Variants in CPNE8 observed in about 807,000 individuals in gnomAD.
CPNE8 encodes the protein copine 8.
Under a neutral mutation model 81.5 loss-of-function variants are expected in CPNE8, and 45 were observed. The observed-to-expected ratio is 0.55, with a 90% confidence interval of 0.44 to 0.71. The LOEUF is 0.71. Among genes scored for constraint, CPNE8 ranks in the 30% least tolerant of loss-of-function variants. CPNE8 has a pLI of 0.00. For missense variants in CPNE8, 594 were observed against 672.1 expected (o/e 0.88, Z 1.28); for synonymous variants, 252 against 226.3 (o/e 1.11, Z -1.02).
chr12:38,852,428 C>CAAAAA (rs138401295), intron 3 of CPNE8, among the ~76,000 whole-genome samples: 1 of 75,210 alleles, frequency 1.3e-5, no homozygotes, highest in Non-Finnish European at 2.4e-5. Flanking sequence ...AGCTCTGTCT[C>CAAAAA]AAAAAAAAAA....
intron 15 of CPNE8, among the ~76,000 whole-genome samples, chr12:38,692,894 T>G (rs1939709211): frequency 6.6e-6 from 1 of 152,190 alleles, no homozygotes; most frequent in Admixed American, 6.5e-5. Flanking sequence ...TTTTGGGACT[T>G]CTAAGAATAT....
intron 1 of CPNE8, among the ~76,000 whole-genome samples, chr12:38,874,920 A>G (rs979841318): frequency 1.3e-5 from 2 of 152,214 alleles, no homozygotes; most frequent in Non-Finnish European, 2.9e-5. Context: ...TGCAGTTCAG[A>G]GCACATGATC....
chr12:38,726,122 T>TG (rs1940690277), intron 11 of CPNE8, among the ~76,000 whole-genome samples: 1 of 152,110 alleles, frequency 6.6e-6, no homozygotes, highest in South Asian at 2.1e-4. Context: ...TACTAGGCTG[T>TG]GTCCTGAGGG....
intron 6 of CPNE8, among the ~76,000 whole-genome samples, chr12:38,798,794 C>T (rs111397654): frequency 6.6e-6 from 1 of 152,100 alleles, no homozygotes; most frequent in Non-Finnish European, 1.5e-5. Context: ...GTGCTGTATT[C>T]AGGAAACCTA....
At chr12:38,863,980 G>A (rs1943879593) in intron 3 of CPNE8, among the ~76,000 whole-genome samples, 1 of 151,736 alleles carries the variant, frequency 6.6e-6, no homozygotes. Context: ...TGTGAATCCG[G>A]GCGATGGAGC....
chr12:38,713,655 G>A (rs888997402), intron 13 of CPNE8, among the ~76,000 whole-genome samples: 1 of 152,086 alleles, frequency 6.6e-6, no homozygotes, highest in Non-Finnish European at 1.5e-5. Flanking sequence ...TGCTCCAAAT[G>A]GCCGTCTAAT....
intron 13 of CPNE8, among the ~76,000 whole-genome samples, chr12:38,716,665 G>C (rs998992348): frequency 3.3e-5 from 5 of 151,866 alleles, no homozygotes; most frequent in Non-Finnish European, 7.4e-5. Flanking sequence ...GACTTAAATT[G>C]AAGACCTGAA....
chr12:38,888,286 T>C (rs1259028717), intron 1 of CPNE8, among the ~76,000 whole-genome samples: 1 of 152,208 alleles, frequency 6.6e-6, no homozygotes, highest in Non-Finnish European at 1.5e-5. Flanking sequence ...TTTCAACATT[T>C]CAAAAGAAAA....
intron 13 of CPNE8, among the ~76,000 whole-genome samples, chr12:38,704,826 G>GTGTATATATA (rs1249607170): frequency 4.0e-5 from 2 of 50,196 alleles, no homozygotes; most frequent in Non-Finnish European, 5.5e-5. Context: ...GTATGTATGT[G>GTGTATATATA]TATATATATA....
intron 6 of CPNE8, among the ~76,000 whole-genome samples, chr12:38,799,848 G>T (rs534821029): frequency 6.7e-6 from 1 of 150,142 alleles, no homozygotes; most frequent in African/African-American, 2.4e-5. Flanking sequence ...CACCTGGGAA[G>T]CGCAAGGGGT....
At chr12:38,877,577 T>G (rs1944085859) in intron 1 of CPNE8, among the ~76,000 whole-genome samples, 1 of 152,074 alleles carries the variant, frequency 6.6e-6, no homozygotes, top group Admixed American at 6.6e-5. Flanking sequence ...TCAATAGAAA[T>G]TTTGGAAAAA....
chr12:38,716,367 C>A (rs1191523220), intron 13 of CPNE8, among the ~76,000 whole-genome samples: 1 of 151,996 alleles, frequency 6.6e-6, no homozygotes, highest in East Asian at 1.9e-4. Flanking sequence ...AAGAACAAAT[C>A]TGGAGGCATC....
At chr12:38,885,182 G>A (rs1944220893) in intron 1 of CPNE8, among the ~76,000 whole-genome samples, 1 of 151,964 alleles carries the variant, frequency 6.6e-6, no homozygotes, top group Admixed American at 6.6e-5. Flanking sequence ...TACAGAAAAT[G>A]ATATAATAAT....
At chr12:38,699,248 T>C (rs1385561452) in intron 14 of CPNE8, among the ~76,000 whole-genome samples, 1 of 152,236 alleles carries the variant, frequency 6.6e-6, no homozygotes, top group African/African-American at 2.4e-5. Flanking sequence ...ATTTGTTTAT[T>C]TTATGAACAG....
At chr12:38,835,830 A>G (rs1470789789) in intron 5 of CPNE8, among the ~76,000 whole-genome samples, 4 of 152,206 alleles carry the variant, frequency 2.6e-5, no homozygotes, top group Admixed American at 6.5e-5. Context: ...GAAGTCTAGT[A>G]TCTAGTGTAC....
intron 19 of CPNE8, among the ~76,000 whole-genome samples, chr12:38,661,203 C>T (rs940462043): frequency 6.6e-6 from 1 of 152,102 alleles, no homozygotes; most frequent in Non-Finnish European, 1.5e-5. Flanking sequence ...GACTTGGAAC[C>T]AACCCAAATG....
At chr12:38,677,037 G>T (rs890126065) in intron 17 of CPNE8, among the ~76,000 whole-genome samples, 1 of 152,002 alleles carries the variant, frequency 6.6e-6, no homozygotes, top group Non-Finnish European at 1.5e-5. Context: ...GAGCAGGATG[G>T]TTTTTTAATC....
chr12:38,899,861 T>C (rs546602136), intron 1 of CPNE8, among the ~76,000 whole-genome samples: 1 of 152,124 alleles, frequency 6.6e-6, no homozygotes, highest in Non-Finnish European at 1.5e-5. Flanking sequence ...CTATGGCTTA[T>C]TTCAAGCTGC....
intron 19 of CPNE8, among the ~76,000 whole-genome samples, chr12:38,659,669 TA>T (rs1233540688): frequency 6.6e-6 from 1 of 152,092 alleles, no homozygotes. Flanking sequence ...TCAGCAAATG[TA>T]AAAGAACAAA....
Sources: allele counts gnomAD v4.1 joint callset (sites outside exome capture counted in the v4.1 genomes callset), GRCh38; gene constraint gnomAD v4.1.1; transcripts MANE v1.5; gene names NCBI Gene and HGNC (gene_info 2026-07-23, HGNC 2026-07-21).